ADAMTS6: variants seen among roughly 807,000 people sequenced by gnomAD.
ADAMTS6 encodes A disintegrin and metalloproteinase with thrombospondin motifs 6.
ADAMTS6 carries 23 observed loss-of-function variants against 144.3 expected under a neutral mutation model. The observed-to-expected ratio is 0.16, with a 90% CI of 0.11 to 0.23. ADAMTS6 has a LOEUF of 0.23. ADAMTS6 is among the 10% of genes least tolerant of loss of function. ADAMTS6 has a pLI of 1.00. For missense variants in ADAMTS6, 999 were observed against 1,379.6 expected (o/e 0.72, Z 4.37); for synonymous variants, 444 against 457.5 (o/e 0.97, Z 0.38).
intron 7 of ADAMTS6, among the ~76,000 whole-genome samples, chr5:65,448,484 T>C (rs1031026804): frequency 6.6e-6 from 1 of 151,098 alleles, no homozygotes; most frequent in Non-Finnish European, 1.5e-5. Flanking sequence ...TTTTTTGCTC[T>C]CTCTGTCACC....
At chr5:65,179,708 T>A (rs1754216324) in intron 22 of ADAMTS6, among the ~76,000 whole-genome samples, 1 of 151,974 alleles carries the variant, frequency 6.6e-6, no homozygotes, top group African/African-American at 2.4e-5. Context: ...AATGAAATAG[T>A]CTCTACCCTC....
chr5:65,163,857 C>T (rs936383067), intron 24 of ADAMTS6, among the ~76,000 whole-genome samples: 1 of 152,136 alleles, frequency 6.6e-6, no homozygotes, highest in Non-Finnish European at 1.5e-5. Context: ...GTCATAGTGA[C>T]TCGCACGTAG....
At chr5:65,269,715 T>A (rs1761908847) in intron 12 of ADAMTS6, among the ~76,000 whole-genome samples, 1 of 152,122 alleles carries the variant, frequency 6.6e-6, no homozygotes, top group African/African-American at 2.4e-5. Flanking sequence ...ACCTACCTCA[T>A]ATGATTTCTC....
Position 65,271,579 on chromosome 5 carries a change from A to C in ADAMTS6, c.1620+1761T>G, listed in dbSNP as rs971574184. ...TATGACATTTGATGGCCCTGCTTTA[A>C]GCACAAATGATCAGTATTAAATACG... On this transcript the variant is annotated intron_variant, in intron 12 of 24. Coordinates refer to ENST00000381055, the MANE Select transcript of ADAMTS6 (RefSeq NM_197941.4). Among the ~76,000 whole-genome samples, 14 of 152,148 alleles carry C rather than the reference A, an allele frequency of 9.2e-5. 1 individual carries two copies. Among genetic ancestry groups the C allele is most frequent in the Admixed American group, 8.5e-4 (13 of 15,264 alleles).
chr5:65,263,026 T>G, intron 12 of ADAMTS6, 64 bp from the exon 13 acceptor site: 2 of 1,603,178 alleles, frequency 1.2e-6, no homozygotes, highest in Non-Finnish European at 8.5e-7. Flanking sequence ...AGGATAGAAA[T>G]ACATAAGGGT....
intron 18 of ADAMTS6, among the ~76,000 whole-genome samples, chr5:65,222,769 T>G (rs977745851): frequency 2.6e-5 from 4 of 152,004 alleles, no homozygotes; most frequent in African/African-American, 9.6e-5. Context: ...AGACTATAAC[T>G]TCTTACATAC....
At chr5:65,464,160 C>T (rs983322572) in intron 3 of ADAMTS6, among the ~76,000 whole-genome samples, 4 of 152,208 alleles carry the variant, frequency 2.6e-5, no homozygotes, top group African/African-American at 9.7e-5. Flanking sequence ...TCTTAAAATA[C>T]GTGTATGTGC....
intron 4 of ADAMTS6, among the ~76,000 whole-genome samples, chr5:65,457,025 C>T (rs1759263718): frequency 6.6e-6 from 1 of 152,208 alleles, no homozygotes; most frequent in Non-Finnish European, 1.5e-5. Context: ...TCACATCTCT[C>T]ACTTGACCTA....
intron 18 of ADAMTS6, among the ~76,000 whole-genome samples, chr5:65,222,890 T>C (rs886515600): frequency 5.3e-5 from 8 of 151,590 alleles, no homozygotes; most frequent in Admixed American, 5.2e-4. Flanking sequence ...AAAAGGCACT[T>C]CAAAAAATGA....
At chr5:65,328,109 C>A (rs748194959) in intron 9 of ADAMTS6, among the ~76,000 whole-genome samples, 3 of 151,988 alleles carry the variant, frequency 2.0e-5, no homozygotes, top group Non-Finnish European at 4.4e-5. Flanking sequence ...ACTGACTTTT[C>A]CTGTGTCTGA....
chr5:65,408,616 C>T (rs1364976155), intron 7 of ADAMTS6, among the ~76,000 whole-genome samples: 2 of 152,116 alleles, frequency 1.3e-5, no homozygotes, highest in African/African-American at 2.4e-5. Flanking sequence ...CAGAGATATC[C>T]AGGACTTGAA....
chr5:65,458,417 T>C (rs1034207799), intron 4 of ADAMTS6, among the ~76,000 whole-genome samples: 16 of 152,154 alleles, frequency 1.1e-4, no homozygotes, highest in African/African-American at 3.9e-4. Flanking sequence ...AATCCTTTCT[T>C]TTTTTTGTTT....
chr5:65,164,273 C>G (rs1468132036), intron 24 of ADAMTS6, among the ~76,000 whole-genome samples: 3 of 151,848 alleles, frequency 2.0e-5, no homozygotes, highest in Non-Finnish European at 4.4e-5. Flanking sequence ...GGGTGATGGA[C>G]GCAGCTGGAA....
intron 7 of ADAMTS6, among the ~76,000 whole-genome samples, chr5:65,395,333 A>T (rs1753251000): frequency 6.6e-6 from 1 of 152,224 alleles, no homozygotes; most frequent in South Asian, 2.1e-4. Context: ...GTAATTTTTT[A>T]AATGTTAAAC....
At chr5:65,236,972 C>A (rs1282570735) in intron 15 of ADAMTS6, among the ~76,000 whole-genome samples, 1 of 151,954 alleles carries the variant, frequency 6.6e-6, no homozygotes, top group East Asian at 1.9e-4. Flanking sequence ...GAAATGAAAG[C>A]ATACATCACT....
At chr5:65,184,118 C>T (rs1003455613) in intron 22 of ADAMTS6, among the ~76,000 whole-genome samples, 1 of 152,156 alleles carries the variant, frequency 6.6e-6, no homozygotes, top group Non-Finnish European at 1.5e-5. Context: ...ACCAGACCTT[C>T]TGTTTTTTGT....
At chr5:65,471,236 A>C in intron 2 of ADAMTS6, 94 bp from the exon 3 acceptor site, 1 of 1,268,190 alleles carries the variant, frequency 7.9e-7, no homozygotes, top group Non-Finnish European at 1.1e-6. Flanking sequence ...AACAACAACT[A>C]TGTCAATTAA....
Position 65,347,773 on chromosome 5 carries a change from T to A in ADAMTS6, c.1074-13688A>T, listed in dbSNP as rs539448206. On this transcript the variant is annotated intron_variant, in intron 7 of 24. Coordinates refer to ENST00000381055, the MANE Select transcript of ADAMTS6 (RefSeq NM_197941.4). ...TCTCATCAGGGGTTAATGTCCAAAA[T>A]ATATAAACAACTCAATGGCAAGAAA... 9.9e-5 allele frequency among the ~76,000 whole-genome samples: 15 copies of A among 152,030 alleles called. No homozygotes were observed. The South Asian group carries it at 3.1e-3, about 32-fold the overall frequency.
At chr5:65,268,981 T>G (rs560379997) in intron 12 of ADAMTS6, among the ~76,000 whole-genome samples, 1 of 151,932 alleles carries the variant, frequency 6.6e-6, no homozygotes, top group Non-Finnish European at 1.5e-5. Context: ...GGCTAGACAG[T>G]GTATAGGTTC....
Sources: gnomAD v4.1 joint callset for allele counts (sites outside exome capture counted in the v4.1 genomes callset) on GRCh38, gnomAD v4.1.1 for gene constraint, MANE v1.5 for transcripts, NCBI Gene and HGNC (gene_info 2026-07-23, HGNC 2026-07-21) for gene names.